The following ZNF550 variants were observed in gnomAD, a reference collection of about 807,000 sequenced individuals.
The protein encoded by ZNF550 is zinc finger protein 550.
A neutral mutation model predicts 40.2 loss-of-function variants in ZNF550; 42 were observed. That is an observed-to-expected ratio of 1.05 (90% CI 0.82 to 1.35). ZNF550 has a LOEUF of 1.35. ZNF550 is among the 40% of genes most tolerant of loss of function. The pLI, the probability that ZNF550 is intolerant of heterozygous loss-of-function variation, is 0.00. For synonymous variants in ZNF550, 223 were observed against 198.6 expected, an observed-to-expected ratio of 1.12 and a Z score of -1.03; for missense variants, 549 against 525.2, an observed-to-expected ratio of 1.05 and a Z score of -0.44.
Position 57,559,716 on chromosome 19 carries a change from G to T in ZNF550, c.-34C>A. 1.4e-6 allele frequency: 2 copies of T among 1,450,080 alleles called. No individual in the cohort carries two copies. Among genetic ancestry groups the T allele is most frequent in the Non-Finnish European group, 1.8e-6 (2 of 1,090,872 alleles). 89.8% of individuals were successfully genotyped at this position (1,450,080 alleles called of 1,614,324 possible). A position where few individuals can be genotyped will look rare whatever the true frequency, so the allele number is the denominator to read the frequency against. ...TGGCAGGACGAGGCCGCGTGGGGCAGCTCCCACGGGCTCAAAACCCTACCC... is the reference window on the plus strand; with the variant it reads ...TGGCAGGACGAGGCCGCGTGGGGCATCTCCCACGGGCTCAAAACCCTACCC... On this transcript the variant is annotated 5_prime_UTR_variant, in exon 1 of 5. It adds an upstream start codon to the 5' untranslated region. Coordinates refer to ENST00000457177, the Ensembl canonical transcript of ZNF550.
At chr19:57,546,375 C>A in intron 4 of ZNF550, 3 of 553,446 alleles carry the variant, frequency 5.4e-6, no homozygotes, top group Non-Finnish European at 6.9e-6. Flanking sequence ...AATAAAACCC[C>A]TTTACCTCTC....
At chr19:57,557,472 C>G (rs1305394166) in intron 1 of ZNF550, 1 of 152,020 alleles carries the variant, frequency 6.6e-6, no homozygotes, top group African/African-American at 2.4e-5. Context: ...ACTCATTACC[C>G]TATAGTCCTG....
chr19:57,547,422 G>A (rs780774776), exon 4 of ZNF550: 1 of 1,607,134 alleles, frequency 6.2e-7, no homozygotes, highest in Non-Finnish European at 8.5e-7. Context: ...GGTGCTGCAT[G>A]AGGTACGACC....
At chr19:57,553,015 A>C (rs1362393190) in intron 2 of ZNF550, 1 of 273,748 alleles carries the variant, frequency 3.7e-6, no homozygotes, top group Non-Finnish European at 6.8e-6. Context: ...AATCTGATAA[A>C]ATTATGGCCT....
At chr19:57,542,747 C>G (rs2089972294) in exon 5 of ZNF550, 1 of 152,186 alleles carries the variant, frequency 6.6e-6, no homozygotes, top group Non-Finnish European at 1.5e-5. Context: ...CTTCTGGTAG[C>G]CCCGTGTGTT....
At chr19:57,550,733 T>C (rs2090065341) in intron 3 of ZNF550, among the ~76,000 whole-genome samples, 2 of 152,206 alleles carry the variant, frequency 1.3e-5, no homozygotes, top group African/African-American at 4.8e-5. Context: ...TTTGCAGAAA[T>C]GCAAAAATTT....
exon 4 of ZNF550, chr19:57,547,497 G>A (rs1387666296): frequency 6.2e-7 from 1 of 1,614,156 alleles, no homozygotes; most frequent in South Asian, 1.1e-5. Context: ...GGATGAGGTA[G>A]TGCCGAATGA....
At chr19:57,549,847 A>G (rs974674272) in intron 3 of ZNF550, among the ~76,000 whole-genome samples, 2 of 152,140 alleles carry the variant, frequency 1.3e-5, no homozygotes, top group African/African-American at 4.8e-5. Flanking sequence ...ATGGCAGACA[A>G]GAGGGTACTG....
Position 57,547,461 on chromosome 19 carries a change from G to GCA in ZNF550, c.781_782dup (p.Leu262AlafsTer70). 1 of 1,614,030 alleles carries GCA rather than the reference G, an allele frequency of 6.2e-7. No homozygotes were observed. The highest frequency in any genetic ancestry group is 2.2e-5 in the East Asian group (1 of 44,858). ...GTTTGAAGGCCTTCCCACACTCAAGGCACTTGTATGGTTTCTCCCCGGTGT... is the reference window on the plus strand; with the variant it reads ...GTTTGAAGGCCTTCCCACACTCAAGGCACACTTGTATGGTTTCTCCCCGGTGT... On this transcript the variant is annotated frameshift_variant, in exon 4 of 5. Coordinates refer to ENST00000457177, the Ensembl canonical transcript of ZNF550. LOFTEE classifies it high-confidence loss of function.
At chr19:57,555,165 C>T (rs1282513350) in intron 2 of ZNF550, 2 of 152,108 alleles carry the variant, frequency 1.3e-5, no homozygotes, top group African/African-American at 4.8e-5. Context: ...ATTTCCCTTC[C>T]TACAAATAGA....
At chr19:57,555,746 A>G (rs1233749220) in intron 2 of ZNF550, 1 of 196,738 alleles carries the variant, frequency 5.1e-6, no homozygotes, top group African/African-American at 2.4e-5. Context: ...GTACCCTCTA[A>G]AAACACCTCC....
At chr19:57,543,707 G>A (rs1287358026) in intron 4 of ZNF550, 24 of 805,956 alleles carry the variant, frequency 3.0e-5, no homozygotes, top group African/African-American at 7.4e-5. Flanking sequence ...AGGCAGAGGC[G>A]GGTGGACTAC....
At position 57,547,383 on chromosome 19, in the gene ZNF550, A is replaced by T; in HGVS notation, c.861T>A (p.Tyr287Ter). The stretch of plus-strand genomic sequence containing the variant: ...AGGCCTTTCGACATTGACTACACTC[A>T]TAGGGTTTCTCTCCAGTGTGGATTG... Residue 287 changes from tyrosine to a stop codon, truncating the protein, a stop_gained, in exon 4 of 5, where the codon TAT (tyrosine) becomes TAA (stop). Transcript: ENST00000457177. LOFTEE classifies it high-confidence loss of function. The T allele has an allele frequency of 1.9e-6, 3 of 1,612,716 alleles. No individual in the cohort carries two copies. Among genetic ancestry groups the T allele is most frequent in the Non-Finnish European group, 2.5e-6 (3 of 1,179,122 alleles).
chr19:57,546,348 TAAAAA>T, intron 4 of ZNF550: 2 of 264,662 alleles, frequency 7.6e-6, no homozygotes, highest in Non-Finnish European at 1.1e-5. Flanking sequence ...GAATGTATGT[TAAAAA>T]AAAAAAAAAG....
At chr19:57,555,007 C>A (rs2090106863) in intron 2 of ZNF550, 1 of 152,206 alleles carries the variant, frequency 6.6e-6, no homozygotes, top group African/African-American at 2.4e-5. Flanking sequence ...GAACTTATTT[C>A]AGTTGTCATC....
In ZNF550 at chr19:57,559,822, C is replaced by T. The variant is rs1474881522; in HGVS notation, c.-140G>A. ...ACAGTTCTGAGAGCGCGGACCAACA[C>T]GCCCCACCACAAACGTCCACGCCAG... is the stretch of plus-strand genomic sequence containing the variant. On this transcript the variant is annotated 5_prime_UTR_variant, in exon 1 of 5. The change creates a new upstream start codon in the 5' untranslated region. Transcript: ENST00000457177. The T allele has an allele frequency of 1.4e-5, 10 of 701,996 alleles. No individual in the cohort carries two copies. Among genetic ancestry groups the T allele is most frequent in the Middle Eastern group, 8.9e-4 (2 of 2,240 alleles). The allele number at this position is 701,996 out of a possible 1,614,324, so 43.5% of individuals were successfully genotyped here.
At chr19:57,550,562 G>C (rs181830949) in intron 3 of ZNF550, among the ~76,000 whole-genome samples, 1 of 152,272 alleles carries the variant, frequency 6.6e-6, no homozygotes, top group East Asian at 1.9e-4. Flanking sequence ...CTGCTTTGGG[G>C]CTCCAATTAT....
upstream of ZNF550, chr19:57,559,900 G>A (rs2090157008): frequency 9.3e-6 from 4 of 431,166 alleles, no homozygotes; most frequent in Admixed American, 1.6e-4. Context: ...GCCTTTTCCT[G>A]CGCCGGCCCA....
At chr19:57,560,398 C>T (rs1346207553), upstream of ZNF550, among the ~76,000 whole-genome samples, 1 of 152,190 alleles carries the variant, frequency 6.6e-6, no homozygotes, top group Admixed American at 6.5e-5. Flanking sequence ...TCTCCAGGGG[C>T]CGTGAGTCCC....
Sources: allele counts gnomAD v4.1 joint callset (sites outside exome capture counted in the v4.1 genomes callset), GRCh38; gene constraint gnomAD v4.1.1; transcripts MANE v1.5; gene names NCBI Gene and HGNC (gene_info 2026-07-23, HGNC 2026-07-21).